SULF1: variants seen among roughly 807,000 people sequenced by gnomAD.
SULF1 encodes extracellular sulfatase Sulf-1.
SULF1 carries 46 observed loss-of-function variants against 110.5 expected under a neutral mutation model. The observed-to-expected ratio is 0.42, with a 90% CI of 0.33 to 0.53. The LOEUF (loss-of-function observed/expected upper bound fraction) is 0.53, where lower values mean the gene tolerates loss of function less well. SULF1 is among the 20% of genes least tolerant of loss of function. The probability of loss-of-function intolerance (pLI) is 0.12; values close to 1 mark genes in which losing one functional copy is unlikely to be tolerated. For synonymous variants in SULF1, 371 were observed against 387.1 expected, an observed-to-expected ratio of 0.96 and a Z score of 0.49; for missense variants, 941 against 1,094.2, an observed-to-expected ratio of 0.86 and a Z score of 1.98.
intron 1 of SULF1, among the ~76,000 whole-genome samples, chr8:69,469,981 G>A (rs1309555857): frequency 6.6e-6 from 1 of 152,172 alleles, no homozygotes; most frequent in Admixed American, 6.5e-5. Flanking sequence ...GGCGGAGGTT[G>A]CAGTGAGCCG....
At chr8:69,580,580 A>G (rs932000440) in intron 6 of SULF1, among the ~76,000 whole-genome samples, 3 of 152,184 alleles carry the variant, frequency 2.0e-5, no homozygotes, top group African/African-American at 7.2e-5. Context: ...CCAAAGTTAC[A>G]GTGTGTTATA....
At chr8:69,576,985 A>G (rs1209838900) in intron 6 of SULF1, among the ~76,000 whole-genome samples, 1 of 152,256 alleles carries the variant, frequency 6.6e-6, no homozygotes, top group Non-Finnish European at 1.5e-5. Flanking sequence ...CATCTCTTTT[A>G]AAAGTGAAAT....
chr8:69,529,527 T>C lies in SULF1; in HGVS notation c.-134+27559T>C, dbSNP rs972248802. ...ACTTAATAATAAACATCAATGCTCT[T>C]ACACAGCTTCTGTGAATCAGGAATG... On this transcript the variant is annotated intron_variant, in intron 3 of 22. Coordinates refer to ENST00000402687, the MANE Select transcript of SULF1 (RefSeq NM_001128205.2). Among the ~76,000 whole-genome samples the C allele has an allele frequency of 2.6e-5, 4 of 152,350 alleles. No individual in the cohort carries two copies. The South Asian group carries it at 8.3e-4, about 32-fold the overall frequency.
Position 69,618,816 on chromosome 8 carries a change from T to C in SULF1, c.1378-2219T>C, listed in dbSNP as rs372289311. 4.6e-5 allele frequency among the ~76,000 whole-genome samples: 7 copies of C among 152,200 alleles called. No individual in the cohort carries two copies. The East Asian group carries it at 7.7e-4, about 17-fold the overall frequency. ...AAAAAGCAGCTCTGATAATTCAACA[T>C]ACATTGAAGACATACAACTCCCTTA... On this transcript the variant is annotated intron_variant, in intron 13 of 22. Transcript: ENST00000402687.
intron 3 of SULF1, among the ~76,000 whole-genome samples, chr8:69,510,590 T>C (rs1466025002): frequency 6.7e-6 from 1 of 149,468 alleles, no homozygotes; most frequent in Non-Finnish European, 1.5e-5. Context: ...ATAATGTTTT[T>C]GTGTTGGGTT....
intron 22 of SULF1, chr8:69,642,401 A>G (rs1365533112): frequency 2.0e-6 from 2 of 987,030 alleles, no homozygotes. Flanking sequence ...ATAGCCATGT[A>G]TGTATGTCTT....
At chr8:69,479,584 A>C (rs1003263004) in intron 1 of SULF1, among the ~76,000 whole-genome samples, 3 of 152,126 alleles carry the variant, frequency 2.0e-5, no homozygotes, top group African/African-American at 7.2e-5. Flanking sequence ...ATAACTTAGA[A>C]TTTGCAGTGG....
intron 5 of SULF1, among the ~76,000 whole-genome samples, chr8:69,570,990 G>T (rs1241185069): frequency 6.6e-6 from 1 of 152,232 alleles, no homozygotes; most frequent in African/African-American, 2.4e-5. Context: ...GAGCATTTGT[G>T]TCTGGCTCCC....
chr8:69,529,501 G>T (rs1048557745), intron 3 of SULF1, among the ~76,000 whole-genome samples: 1 of 152,170 alleles, frequency 6.6e-6, no homozygotes, highest in African/African-American at 2.4e-5. Flanking sequence ...AAATGTAAGA[G>T]ACTTAATAAT....
At chr8:69,537,775 G>A (rs1204264192) in intron 3 of SULF1, among the ~76,000 whole-genome samples, 1 of 152,090 alleles carries the variant, frequency 6.6e-6, no homozygotes, top group Non-Finnish European at 1.5e-5. Context: ...ACAGGATGAC[G>A]GCAACTTTTG....
At chr8:69,518,710 A>G (rs56740344) in intron 3 of SULF1, among the ~76,000 whole-genome samples, 8,117 of 152,198 alleles carry the variant, frequency 0.053, 396 homozygotes, top group African/African-American at 0.13. Context: ...TGTGTGATCA[A>G]TGAGTTCTTC....
At chr8:69,589,466 CTAA>C (rs1806722176) in intron 8 of SULF1, among the ~76,000 whole-genome samples, 1 of 152,200 alleles carries the variant, frequency 6.6e-6, no homozygotes, top group Admixed American at 6.5e-5. Flanking sequence ...TGTGTCTGAT[CTAA>C]TAATGATGAT....
chr8:69,602,973 T>C (rs564376156), intron 10 of SULF1, among the ~76,000 whole-genome samples: 1 of 152,134 alleles, frequency 6.6e-6, no homozygotes, highest in African/African-American at 2.4e-5. Context: ...GGTGCAGGCA[T>C]CTCTCCAGCC....
At chr8:69,636,926 A>G (rs1013441024) in intron 19 of SULF1, among the ~76,000 whole-genome samples, 1 of 152,154 alleles carries the variant, frequency 6.6e-6, no homozygotes, top group Non-Finnish European at 1.5e-5. Flanking sequence ...GCCACCAAAG[A>G]GTGACCGTGA....
At chr8:69,510,875 C>T (rs1311106145) in intron 3 of SULF1, among the ~76,000 whole-genome samples, 1 of 151,182 alleles carries the variant, frequency 6.6e-6, no homozygotes, top group Non-Finnish European at 1.5e-5. Flanking sequence ...CCTCAGACTC[C>T]CAAAGTGCTG....
chr8:69,589,869 C>T (rs1325744834), intron 8 of SULF1, among the ~76,000 whole-genome samples: 1 of 152,202 alleles, frequency 6.6e-6, no homozygotes, highest in Non-Finnish European at 1.5e-5. Context: ...ACCATTTCTT[C>T]CTAAGCTTTG....
rs907661863 is a variant in SULF1 at position 69,621,179 on chromosome 8, G to C, written c.1522G>C (p.Glu508Gln). The change falls in exon 14 of 23, where the codon GAG (glutamate) becomes CAG (glutamine). Residue 508 changes from glutamate to glutamine, a missense_variant. Transcript: ENST00000402687. ...HDKDKECSCR[E>Q]SGYRASRSQR... is the part of the protein sequence containing the mutation. ...CAAAGACAAAGAGTGCAGTTGTAGG[G>C]AGTCTGGTTACCGTGCCAGCAGAAG... is the stretch of plus-strand genomic sequence containing the variant. 4 of 1,614,126 alleles carry C rather than the reference G, an allele frequency of 2.5e-6. No individual in the cohort carries two copies. In the Middle Eastern group the frequency reaches 4.9e-4, roughly 200 times the overall value.
intron 13 of SULF1, among the ~76,000 whole-genome samples, chr8:69,617,692 G>A (rs775966121): frequency 2.3e-4 from 35 of 151,772 alleles, no homozygotes; most frequent in Non-Finnish European, 4.7e-4. Flanking sequence ...CACATTAAAT[G>A]GCAGAATCAT....
intron 22 of SULF1, among the ~76,000 whole-genome samples, chr8:69,658,013 G>A (rs764069518): frequency 6.6e-6 from 1 of 152,192 alleles, no homozygotes; most frequent in Non-Finnish European, 1.5e-5. Flanking sequence ...TTTATACTGA[G>A]TGTTAGGGAA....
Sources: allele counts gnomAD v4.1 joint callset (sites outside exome capture counted in the v4.1 genomes callset), GRCh38; gene constraint gnomAD v4.1.1; transcripts MANE v1.5; gene names NCBI Gene and HGNC (gene_info 2026-07-23, HGNC 2026-07-21).